Variants in RNASEH2B observed in about 807,000 individuals in gnomAD.
RNASEH2B encodes the protein ribonuclease H2 subunit B.
RNASEH2B carries 36 observed loss-of-function variants against 45.0 expected under a neutral mutation model. The ratio of observed to expected loss-of-function variants is 0.80; its 90% confidence interval spans 0.61 to 1.06. RNASEH2B has a LOEUF of 1.06. Among genes scored for constraint, RNASEH2B ranks in the 50% least tolerant of loss-of-function variants. RNASEH2B has a pLI of 0.00. For synonymous variants in RNASEH2B, 119 were observed against 125.7 expected, an observed-to-expected ratio of 0.95 and a Z score of 0.35; for missense variants, 361 against 360.3, an observed-to-expected ratio of 1.00 and a Z score of -0.02.
At chr13:50,910,995 T>C (rs1428566554) in intron 1 of RNASEH2B, 1 of 152,228 alleles carries the variant, frequency 6.6e-6, no homozygotes, top group East Asian at 1.9e-4. Context: ...ATGATGGTTA[T>C]TGAAAATGTT....
chr13:50,962,862 T>G (rs1158891614), intron 9 of RNASEH2B, among the ~76,000 whole-genome samples: 2 of 152,154 alleles, frequency 1.3e-5, no homozygotes, highest in East Asian at 3.8e-4. Flanking sequence ...TTTTGAGTTT[T>G]TAATTTTCAT....
intron 9 of RNASEH2B, among the ~76,000 whole-genome samples, chr13:50,962,095 T>C (rs1351734075): frequency 6.6e-6 from 1 of 152,114 alleles, no homozygotes; most frequent in Non-Finnish European, 1.5e-5. Flanking sequence ...TAGTATGGGG[T>C]TTTTTTCCTA....
At position 50,956,362 on chromosome 13, in the gene RNASEH2B, A is replaced by G; in HGVS notation, c.827A>G (p.Asn276Ser). 1 of 1,596,058 alleles carries G rather than the reference A, an allele frequency of 6.3e-7. No individual in the cohort carries two copies. Among genetic ancestry groups the G allele is most frequent in the Non-Finnish European group, 8.6e-7 (1 of 1,168,180 alleles). ...NTKDLKTEKK[N>S]SKMTAAQKAL... The stretch of plus-strand genomic sequence containing the variant: ...CTCTCTTATTTTCATTAACAGAAAA[A>G]TAGCAAAATGACTGCAGCTCAGAAG... Residue 276 changes from asparagine (N) to serine (S), a missense_variant, in exon 11 of 11, where the codon AAT (asparagine) becomes AGT (serine). Coordinates refer to ENST00000336617, the MANE Select transcript of RNASEH2B (RefSeq NM_024570.4).
At chr13:50,933,357 G>A (rs1951706591) in intron 4 of RNASEH2B, among the ~76,000 whole-genome samples, 1 of 152,214 alleles carries the variant, frequency 6.6e-6, no homozygotes, top group Non-Finnish European at 1.5e-5. Flanking sequence ...AGTGCAGAAT[G>A]AAGCAGAAAT....
At chr13:50,934,777 C>G (rs908905660) in intron 4 of RNASEH2B, 108 bp from the exon 5 acceptor site, 2 of 770,536 alleles carry the variant, frequency 2.6e-6, no homozygotes, top group Non-Finnish European at 4.5e-6. Flanking sequence ...TAGGTGGCTT[C>G]TGCACTAAGT....
chr13:50,935,321 G>A (rs1382298086), intron 5 of RNASEH2B: 2 of 354,212 alleles, frequency 5.6e-6, no homozygotes, highest in Non-Finnish European at 1.1e-5. Flanking sequence ...ATGTCTCATT[G>A]TAAAATTACG....
In RNASEH2B at chr13:50,943,367, G is replaced by A. The variant is rs762711560; in HGVS notation, c.483G>A (p.Glu161=). 6.2e-7 allele frequency: 1 copy of A among 1,606,976 alleles called. No individual in the cohort carries two copies. Among genetic ancestry groups the A allele is most frequent in the South Asian group, 1.1e-5 (1 of 90,930 alleles). ...AGAAATATTACAAGTACAGCAAAGA[G>A]AAGACATTAAAGTGGCTGGAAAAAA... is the stretch of plus-strand genomic sequence containing the variant. The part of the protein sequence containing the change: ...DNKKYYKYSK[E]KTLKWLEKKV... The change falls in exon 6 of 11, where the codon GAG becomes GAA. Residue 161 remains glutamate, a synonymous_variant. Coordinates refer to ENST00000336617, the MANE Select transcript of RNASEH2B (RefSeq NM_024570.4).
intron 5 of RNASEH2B, 194 bp downstream of exon 5, chr13:50,935,193 T>G (rs963263480): frequency 3.4e-6 from 2 of 591,204 alleles, no homozygotes; most frequent in East Asian, 2.9e-5. Context: ...ACTACAACCA[T>G]GGCAGTCTAG....
intron 9 of RNASEH2B, among the ~76,000 whole-genome samples, chr13:50,968,349 A>C (rs943145525): frequency 2.0e-5 from 3 of 152,124 alleles, no homozygotes; most frequent in Non-Finnish European, 2.9e-5. Flanking sequence ...ACAGTGGACT[A>C]TGATTATAAC....
At chr13:50,966,275 C>T (rs1421992276) in intron 9 of RNASEH2B, among the ~76,000 whole-genome samples, 1 of 152,208 alleles carries the variant, frequency 6.6e-6, no homozygotes, top group Non-Finnish European at 1.5e-5. Context: ...CTTAAATCTA[C>T]ATAGCCTGTC....
chr13:50,910,221 C>T, intron 1 of RNASEH2B, 81 bp downstream of exon 1: 1 of 974,816 alleles, frequency 1.0e-6, no homozygotes, highest in Non-Finnish European at 1.4e-6. Context: ...CGCCCCCCAC[C>T]CCGGTGGCTC....
At chr13:50,911,580 A>G (rs1400937987) in intron 1 of RNASEH2B, 1 of 152,224 alleles carries the variant, frequency 6.6e-6, no homozygotes, top group African/African-American at 2.4e-5. Context: ...ATGGTTTTCC[A>G]AAGTGGTTAT....
intron 1 of RNASEH2B, among the ~76,000 whole-genome samples, chr13:50,914,043 AT>A (rs10596567): frequency 0.39 from 54,287 of 138,506 alleles, 10,221 homozygotes; most frequent in South Asian, 0.63. Context: ...AGTCTTGAAG[AT>A]TTTTTTTTTT....
chr13:50,956,303 A>G, intron 10 of RNASEH2B, 55 bp from the exon 11 acceptor site: 3 of 1,368,616 alleles, frequency 2.2e-6, no homozygotes, highest in South Asian at 2.5e-5. Flanking sequence ...ATTTCCATAT[A>G]TGATTAATAA....
intron 6 of RNASEH2B, among the ~76,000 whole-genome samples, chr13:50,944,752 G>C (rs1323036061): frequency 6.6e-6 from 1 of 152,188 alleles, no homozygotes; most frequent in Non-Finnish European, 1.5e-5. Flanking sequence ...GTGCAAAGTA[G>C]TGGAAAGATT....
intron 10 of RNASEH2B, chr13:50,955,328 A>C (rs1952030822): frequency 6.6e-6 from 1 of 152,134 alleles, no homozygotes; most frequent in Admixed American, 6.6e-5. Context: ...AGTTCGATTT[A>C]AGATCTGCCC....
intron 8 of RNASEH2B, 166 bp from the exon 9 acceptor site, chr13:50,949,297 T>G: frequency 1.6e-6 from 1 of 633,452 alleles, no homozygotes; most frequent in Non-Finnish European, 2.8e-6. Flanking sequence ...ACTCATTTAT[T>G]GAGAAAACTT....
intron 10 of RNASEH2B, chr13:50,955,815 T>C (rs1047931983): frequency 1.3e-5 from 2 of 156,328 alleles, no homozygotes; most frequent in African/African-American, 2.4e-5. Flanking sequence ...GCAGAATTAT[T>C]TGGAGTCAGC....
At chr13:50,914,007 T>C (rs1879584712) in intron 1 of RNASEH2B, among the ~76,000 whole-genome samples, 1 of 151,068 alleles carries the variant, frequency 6.6e-6, no homozygotes, top group African/African-American at 2.4e-5. Context: ...ATGGAGAAAA[T>C]TTATATTAAT....
Sources: gnomAD v4.1 joint callset for allele counts (sites outside exome capture counted in the v4.1 genomes callset) on GRCh38, gnomAD v4.1.1 for gene constraint, MANE v1.5 for transcripts, NCBI Gene and HGNC (gene_info 2026-07-23, HGNC 2026-07-21) for gene names.